ASTN2: variants seen among roughly 807,000 people sequenced by gnomAD.
The protein encoded by ASTN2 is astrotactin 2, also known as astrotactin-2.
In ASTN2, 54 loss-of-function variants were observed where a neutral mutation model predicts 139.8. That is an observed-to-expected ratio of 0.39 (90% CI 0.31 to 0.48). The LOEUF is 0.48. ASTN2 is among the 20% of genes least tolerant of loss of function. The probability of loss-of-function intolerance (pLI) is 0.95; values close to 1 mark genes in which losing one functional copy is unlikely to be tolerated. For synonymous variants in ASTN2, 756 were observed against 719.5 expected (o/e 1.05, Z -0.81); for missense variants, 1,565 against 1,725.1 (o/e 0.91, Z 1.64).
At position 116,934,110 on chromosome 9, in the gene ASTN2, A is replaced by G. The variant is rs551015563; in HGVS notation, c.1889+41098T>C. Among the ~76,000 whole-genome samples the G allele has an allele frequency of 1.6e-4, 25 of 151,672 alleles. No homozygotes were observed. The East Asian group carries it at 4.9e-3, about 30-fold the overall frequency. The stretch of plus-strand genomic sequence containing the variant: ...TAAAAACCAATCCAGATGCAATTCA[A>G]TATTTTAACAAAACCACACAGTGTG... On this transcript the variant is annotated intron_variant, in intron 10 of 22. Transcript: ENST00000313400.
chr9:117,235,373 T>C (rs559150700), intron 2 of ASTN2, among the ~76,000 whole-genome samples: 6 of 152,262 alleles, frequency 3.9e-5, no homozygotes, highest in African/African-American at 1.4e-4. Context: ...GAGGTCAGTG[T>C]TAACATACCC....
chr9:117,231,579 T>G (rs1382392676), intron 2 of ASTN2, among the ~76,000 whole-genome samples: 1 of 152,094 alleles, frequency 6.6e-6, no homozygotes, highest in African/African-American at 2.4e-5. Context: ...GAAGTGGAAT[T>G]TGTGGAATTT....
intron 19 of ASTN2, among the ~76,000 whole-genome samples, chr9:116,588,923 C>A (rs778309875): frequency 5.9e-5 from 9 of 152,060 alleles, no homozygotes; most frequent in South Asian, 2.1e-4. Context: ...ATGAACTGAT[C>A]CAAAAAATTT....
At chr9:116,480,681 A>T (rs1466914018) in intron 20 of ASTN2, among the ~76,000 whole-genome samples, 3 of 152,224 alleles carry the variant, frequency 2.0e-5, no homozygotes, top group African/African-American at 4.8e-5. Context: ...TAAAGAGGCA[A>T]CATCTAATCA....
chr9:116,700,775 T>G (rs1861131262), intron 16 of ASTN2: 1 of 166,986 alleles, frequency 6.0e-6, no homozygotes, highest in Non-Finnish European at 1.5e-5. Flanking sequence ...GTCTTTTAAT[T>G]AAATACGGAA....
Position 116,747,200 on chromosome 9 carries a change from T to C in ASTN2, c.2397-13677A>G, listed in dbSNP as rs1051627856. On this transcript the variant is annotated intron_variant, in intron 13 of 22. Transcript: ENST00000313400. ...TCTCATTTCACATGCACAACAACCA[T>C]GCAAGGTAAGCACTCTTGTTCTACT... is the stretch of plus-strand genomic sequence containing the variant. Among the ~76,000 whole-genome samples the C allele has an allele frequency of 2.0e-5, 3 of 152,272 alleles. No individual in the cohort carries two copies. In the East Asian group the frequency reaches 5.8e-4, roughly 29 times the overall value.
intron 5 of ASTN2, among the ~76,000 whole-genome samples, chr9:117,043,621 C>A (rs995798999): frequency 6.6e-6 from 1 of 151,932 alleles, no homozygotes; most frequent in Non-Finnish European, 1.5e-5. Context: ...TAAGAGTCAA[C>A]ATGATGGCTG....
intron 17 of ASTN2, among the ~76,000 whole-genome samples, chr9:116,637,272 T>C (rs1857119797): frequency 6.6e-6 from 1 of 152,176 alleles, no homozygotes; most frequent in Non-Finnish European, 1.5e-5. Flanking sequence ...ACCTAAAATA[T>C]CTTCAAATAC....
At position 117,242,384 on chromosome 9, in the gene ASTN2, G is replaced by A. The variant is rs527826154; in HGVS notation, c.631-27642C>T. 7.9e-5 allele frequency among the ~76,000 whole-genome samples: 12 copies of A among 152,254 alleles called. No individual in the cohort carries two copies. In the South Asian group the frequency reaches 2.3e-3, roughly 29 times the overall value. ...TCTCCCTGTACCAAATGAGCTCTGAGTTCTTAGTACTTGATGTACTTAATA... is the reference window on the plus strand; with the variant it reads ...TCTCCCTGTACCAAATGAGCTCTGAATTCTTAGTACTTGATGTACTTAATA... On this transcript the variant is annotated intron_variant, in intron 2 of 22. Transcript: ENST00000313400.
At chr9:116,682,400 A>G (rs1190280884) in intron 16 of ASTN2, among the ~76,000 whole-genome samples, 1 of 152,224 alleles carries the variant, frequency 6.6e-6, no homozygotes, top group Non-Finnish European at 1.5e-5. Flanking sequence ...GGATGTGGAG[A>G]AATAGCAACA....
chr9:116,616,241 A>T (rs1053389682), intron 19 of ASTN2, among the ~76,000 whole-genome samples: 1 of 152,202 alleles, frequency 6.6e-6, no homozygotes, highest in Non-Finnish European at 1.5e-5. Flanking sequence ...AAGCAAGACT[A>T]GGTGATCTCC....
At chr9:117,159,702 C>T (rs1187848515) in intron 3 of ASTN2, among the ~76,000 whole-genome samples, 2 of 151,946 alleles carry the variant, frequency 1.3e-5, no homozygotes, top group Non-Finnish European at 2.9e-5. Context: ...TTTTTATTAC[C>T]ATTTGACAGA....
chr9:117,381,821 T>A (rs1339926), intron 1 of ASTN2, among the ~76,000 whole-genome samples: 2 of 152,020 alleles, frequency 1.3e-5, no homozygotes, highest in African/African-American at 4.8e-5. Flanking sequence ...TTTTATGGTA[T>A]GTGAATTATA....
At chr9:116,711,083 A>G (rs1002142742) in intron 16 of ASTN2, among the ~76,000 whole-genome samples, 6 of 152,218 alleles carry the variant, frequency 3.9e-5, no homozygotes, top group African/African-American at 1.4e-4. Context: ...GCCACATACA[A>G]ATAGGCAAAT....
intron 5 of ASTN2, among the ~76,000 whole-genome samples, chr9:117,086,428 G>C (rs935693931): frequency 2.0e-5 from 3 of 152,114 alleles, no homozygotes; most frequent in Non-Finnish European, 4.4e-5. Flanking sequence ...CAAAAAATTA[G>C]CCAAACATGG....
chr9:116,581,655 C>T (rs2131712716), intron 19 of ASTN2, among the ~76,000 whole-genome samples: 1 of 152,294 alleles, frequency 6.6e-6, no homozygotes, highest in African/African-American at 2.4e-5. Context: ...CATCTCTATG[C>T]AAAATGGGAA....
chr9:117,284,414 C>T (rs1432289317), intron 2 of ASTN2, among the ~76,000 whole-genome samples: 1 of 152,170 alleles, frequency 6.6e-6, no homozygotes, highest in Non-Finnish European at 1.5e-5. Context: ...CTCTGGTGTC[C>T]TCATAAAAGG....
chr9:117,043,764 CG>C (rs1838647857), intron 5 of ASTN2, among the ~76,000 whole-genome samples: 2 of 151,844 alleles, frequency 1.3e-5, no homozygotes, highest in Admixed American at 1.3e-4. Context: ...AAAAATGAGC[CG>C]GGCATGGTGG....
In ASTN2 at chr9:117,059,141, A is replaced by G. The variant is rs544600232; in HGVS notation, c.1277-19176T>C. 6.6e-5 allele frequency among the ~76,000 whole-genome samples: 10 copies of G among 152,220 alleles called. No individual in the cohort carries two copies. The South Asian group carries it at 2.1e-3, about 32-fold the overall frequency. On this transcript the variant is annotated intron_variant, in intron 5 of 22. Transcript: ENST00000313400. ...AATAGTGGTGACACTGGGGATGGAG[A>G]GAGTCATCAAATGCAGAGTACAGTT...
Sources: allele counts gnomAD v4.1 joint callset (sites outside exome capture counted in the v4.1 genomes callset), GRCh38; gene constraint gnomAD v4.1.1; transcripts MANE v1.5; gene names NCBI Gene and HGNC (gene_info 2026-07-23, HGNC 2026-07-21).